CNTN5: variants seen among roughly 807,000 people sequenced by gnomAD.
The protein encoded by CNTN5 is contactin 5.
CNTN5 carries 77 observed loss-of-function variants against 129.1 expected under a neutral mutation model. The ratio of observed to expected loss-of-function variants is 0.60; its 90% CI spans 0.50 to 0.72. CNTN5 has a LOEUF of 0.72. Among genes scored for constraint, CNTN5 ranks in the 30% least tolerant of loss-of-function variants. CNTN5 has a pLI of 0.00. For missense variants in CNTN5, 1,478 were observed against 1,328.8 expected, an observed-to-expected ratio of 1.11 and a Z score of -1.75; for synonymous variants, 509 against 465.6, an observed-to-expected ratio of 1.09 and a Z score of -1.20.
chr11:99,728,048 G>A (rs1373096629), intron 3 of CNTN5, among the ~76,000 whole-genome samples: 2 of 152,094 alleles, frequency 1.3e-5, no homozygotes, highest in East Asian at 1.9e-4. Context: ...CAAGATCAAT[G>A]GAATCAGAAG....
intron 2 of CNTN5, among the ~76,000 whole-genome samples, chr11:99,401,860 T>G (rs199511561): frequency 8.6e-5 from 1 of 11,656 alleles, no homozygotes; most frequent in South Asian, 4.4e-3. Flanking sequence ...ATGGCACTAC[T>G]TTTTTTTCAG....
At chr11:99,997,270 C>A (rs980426285) in intron 8 of CNTN5, among the ~76,000 whole-genome samples, 64 of 151,988 alleles carry the variant, frequency 4.2e-4, no homozygotes, top group South Asian at 1.2e-3. Flanking sequence ...TATATCTTGC[C>A]TTCTGCTAGC....
intron 1 of CNTN5, among the ~76,000 whole-genome samples, chr11:99,156,089 G>A (rs764576703): frequency 3.0e-4 from 45 of 152,016 alleles, no homozygotes; most frequent in Non-Finnish European, 5.7e-4. Flanking sequence ...GATCATGAAG[G>A]AAAGACAGAT....
chr11:99,386,632 T>C (rs1940943569), intron 2 of CNTN5, among the ~76,000 whole-genome samples: 1 of 152,142 alleles, frequency 6.6e-6, no homozygotes, highest in Non-Finnish European at 1.5e-5. Flanking sequence ...TGACCTCCTA[T>C]CTCATCCTGT....
intron 2 of CNTN5, among the ~76,000 whole-genome samples, chr11:99,327,356 T>C (rs1430063311): frequency 1.3e-5 from 2 of 152,186 alleles, no homozygotes; most frequent in Non-Finnish European, 2.9e-5. Context: ...TTCTATCAAT[T>C]ACCAACCAAA....
intron 3 of CNTN5, among the ~76,000 whole-genome samples, chr11:99,781,637 A>T (rs982923606): frequency 1.3e-5 from 2 of 152,072 alleles, no homozygotes; most frequent in African/African-American, 4.8e-5. Context: ...TAGCTCCTAC[A>T]CCCAGCAGGT....
At chr11:99,849,181 C>A (rs988582574) in intron 6 of CNTN5, among the ~76,000 whole-genome samples, 1 of 151,336 alleles carries the variant, frequency 6.6e-6, no homozygotes, top group Non-Finnish European at 1.5e-5. Context: ...CATATACTAA[C>A]AATTATTATA....
chr11:99,171,399 G>T (rs778506634), intron 1 of CNTN5, among the ~76,000 whole-genome samples: 14 of 152,266 alleles, frequency 9.2e-5, no homozygotes, highest in Middle Eastern at 3.4e-3. Context: ...AATCTTTTCT[G>T]TCTTTCGTAC....
chr11:99,831,997 T>A (rs776641644), intron 4 of CNTN5, among the ~76,000 whole-genome samples: 3 of 152,186 alleles, frequency 2.0e-5, no homozygotes, highest in African/African-American at 4.8e-5. Flanking sequence ...GAGTTCCTTA[T>A]CTTCAAGTTC....
intron 1 of CNTN5, among the ~76,000 whole-genome samples, chr11:99,148,911 T>G (rs538901978): frequency 6.6e-6 from 1 of 152,308 alleles, no homozygotes; most frequent in African/African-American, 2.4e-5. Context: ...CACAACTTTC[T>G]ACTTCTCAAA....
At chr11:99,996,004 T>C (rs969867883) in intron 8 of CNTN5, among the ~76,000 whole-genome samples, 1 of 152,186 alleles carries the variant, frequency 6.6e-6, no homozygotes, top group African/African-American at 2.4e-5. Flanking sequence ...TCTGAATATC[T>C]TGTAGGTACT....
At position 99,374,446 on chromosome 11, in the gene CNTN5, G is replaced by T. The variant is rs866640423; in HGVS notation, c.-71+48962G>T. 5.9e-5 allele frequency among the ~76,000 whole-genome samples: 9 copies of T among 152,236 alleles called. 1 individual carries two copies. The Middle Eastern group carries it at 0.017, about 288-fold the overall frequency. ...GTATATAAAAATGTAAGATTTGGGA[G>T]GCCAAGGCCGGCGGATCACGAGGTC... is the stretch of plus-strand genomic sequence containing the variant. On this transcript the variant is annotated intron_variant, in intron 2 of 24. Transcript: ENST00000524871.
chr11:99,762,443 T>G (rs1324486540), intron 3 of CNTN5, among the ~76,000 whole-genome samples: 1 of 151,996 alleles, frequency 6.6e-6, no homozygotes, highest in African/African-American at 2.4e-5. Context: ...GATTTTTGTA[T>G]AAGGTGTAAG....
At chr11:100,009,794 G>A (rs554584192) in intron 9 of CNTN5, among the ~76,000 whole-genome samples, 8 of 152,244 alleles carry the variant, frequency 5.3e-5, no homozygotes, top group East Asian at 1.9e-4. Flanking sequence ...GATTGGAAAC[G>A]AAAATTTAAA....
intron 2 of CNTN5, among the ~76,000 whole-genome samples, chr11:99,488,407 G>A (rs372933001): frequency 4.6e-5 from 7 of 152,016 alleles, no homozygotes; most frequent in East Asian, 1.9e-4. Flanking sequence ...TCCTGACCTC[G>A]TGATCTGCCT....
In CNTN5 at chr11:99,758,136, C is replaced by T. The variant is rs1399854461; in HGVS notation, c.56-61408C>T. Among the ~76,000 whole-genome samples the T allele has an allele frequency of 3.9e-5, 6 of 151,914 alleles. No homozygotes were observed. In the East Asian group the frequency reaches 1.2e-3, roughly 29 times the overall value. On this transcript the variant is annotated intron_variant, in intron 3 of 24. Coordinates refer to ENST00000524871, the MANE Select transcript of CNTN5 (RefSeq NM_014361.4). ...TGCTAGCAGTATATTTCTCCAAGTC[C>T]AGCCATCTTTCTGAGTATTATGCAG...
At chr11:99,336,509 A>G (rs1198860676) in intron 2 of CNTN5, among the ~76,000 whole-genome samples, 1 of 152,102 alleles carries the variant, frequency 6.6e-6, no homozygotes, top group East Asian at 1.9e-4. Context: ...TTTTCTATTT[A>G]TTCCACAATT....
At chr11:99,913,916 C>T (rs929439984) in intron 6 of CNTN5, among the ~76,000 whole-genome samples, 12 of 151,862 alleles carry the variant, frequency 7.9e-5, no homozygotes, top group East Asian at 1.9e-4. Flanking sequence ...TTTGTAGATT[C>T]GATGAAGATG....
intron 1 of CNTN5, among the ~76,000 whole-genome samples, chr11:99,220,565 C>G (rs737236): frequency 0.73 from 110,362 of 151,258 alleles, 40,585 homozygotes; most frequent in East Asian, 0.99. Context: ...TCACGATTTT[C>G]CATGAAATAG....
Sources: allele counts gnomAD v4.1 joint callset (sites outside exome capture counted in the v4.1 genomes callset), GRCh38; gene constraint gnomAD v4.1.1; transcripts MANE v1.5; gene names NCBI Gene and HGNC (gene_info 2026-07-23, HGNC 2026-07-21).